CDH12: variants seen among roughly 807,000 people sequenced by gnomAD.
The protein encoded by CDH12 is cadherin-12.
In CDH12, 41 loss-of-function variants were observed where a neutral mutation model predicts 74.1. The observed-to-expected ratio is 0.55, with a 90% confidence interval of 0.43 to 0.72. The LOEUF (loss-of-function observed/expected upper bound fraction) is 0.72, where lower values mean the gene tolerates loss of function less well. CDH12 is among the 30% of genes least tolerant of loss of function. CDH12 has a pLI of 0.00. For missense variants in CDH12, 945 were observed against 977.2 expected (o/e 0.97, Z 0.44); for synonymous variants, 399 against 355.0 (o/e 1.12, Z -1.39).
intron 6 of CDH12, among the ~76,000 whole-genome samples, chr5:21,864,129 ATGTG>A (rs56781565): frequency 3.3e-5 from 5 of 149,792 alleles, no homozygotes; most frequent in East Asian, 2.0e-4. Flanking sequence ...CAGAAAGAAT[ATGTG>A]TGTGTGTGTG....
chr5:21,959,911 T>G (rs1580021044), intron 6 of CDH12, among the ~76,000 whole-genome samples: 2 of 124,348 alleles, frequency 1.6e-5, no homozygotes, highest in Admixed American at 9.6e-5. Flanking sequence ...GGCGACAGAG[T>G]GAGGCTCCAT....
At chr5:21,912,789 T>C (rs149021616) in intron 6 of CDH12, among the ~76,000 whole-genome samples, 91 of 152,178 alleles carry the variant, frequency 6.0e-4, no homozygotes, top group Admixed American at 1.6e-3. Context: ...GAGGTAAATT[T>C]TGAATAATAG....
At chr5:21,984,610 C>A (rs1462648936) in intron 5 of CDH12, among the ~76,000 whole-genome samples, 1 of 152,126 alleles carries the variant, frequency 6.6e-6, no homozygotes, top group Admixed American at 6.6e-5. Flanking sequence ...GACCTCTATG[C>A]CACTCCCTCC....
intron 1 of CDH12, among the ~76,000 whole-genome samples, chr5:22,714,028 A>C (rs1433074638): frequency 6.6e-6 from 1 of 152,144 alleles, no homozygotes; most frequent in Non-Finnish European, 1.5e-5. Flanking sequence ...TCAGACATAA[A>C]ATTCTCTCTC....
At chr5:22,623,519 AACAG>A (rs770718825) in intron 1 of CDH12, among the ~76,000 whole-genome samples, 6 of 152,176 alleles carry the variant, frequency 3.9e-5, no homozygotes, top group Non-Finnish European at 8.8e-5. Flanking sequence ...ATACACCAAT[AACAG>A]ACAAACAGAG....
At chr5:21,993,726 T>G (rs1295481756) in intron 5 of CDH12, among the ~76,000 whole-genome samples, 2 of 152,002 alleles carry the variant, frequency 1.3e-5, no homozygotes, top group African/African-American at 2.4e-5. Flanking sequence ...GTTTCAATCT[T>G]GTGAGACCCT....
At chr5:22,832,351 G>A (rs1299988208) in intron 1 of CDH12, among the ~76,000 whole-genome samples, 1 of 152,152 alleles carries the variant, frequency 6.6e-6, no homozygotes, top group East Asian at 1.9e-4. Context: ...TAAATATTGG[G>A]AGGATGGGAG....
chr5:22,472,623 T>G (rs1346967373), intron 2 of CDH12, among the ~76,000 whole-genome samples: 1 of 152,026 alleles, frequency 6.6e-6, no homozygotes. Flanking sequence ...ATGTTTTTTC[T>G]CTCAAAAAAA....
At chr5:21,977,617 C>T (rs1757125762) in intron 5 of CDH12, among the ~76,000 whole-genome samples, 1 of 152,014 alleles carries the variant, frequency 6.6e-6, no homozygotes, top group African/African-American at 2.4e-5. Flanking sequence ...CTGTATTTAG[C>T]TAAAATCATA....
chr5:22,247,446 G>A (rs1396036263), intron 3 of CDH12, among the ~76,000 whole-genome samples: 3 of 152,166 alleles, frequency 2.0e-5, no homozygotes, highest in African/African-American at 4.8e-5. Context: ...GGAAACTGAG[G>A]TGGGTGGATC....
intron 1 of CDH12, among the ~76,000 whole-genome samples, chr5:22,674,976 C>A (rs1561569037): frequency 1.3e-5 from 2 of 152,156 alleles, no homozygotes; most frequent in East Asian, 3.9e-4. Context: ...AAATTTGCAG[C>A]CTGACAATGC....
At chr5:22,546,375 T>G (rs540589788) in intron 1 of CDH12, among the ~76,000 whole-genome samples, 1 of 152,116 alleles carries the variant, frequency 6.6e-6, no homozygotes, top group Admixed American at 6.5e-5. Context: ...CAGCACTGAG[T>G]CTAGCGAAAA....
intron 3 of CDH12, among the ~76,000 whole-genome samples, chr5:22,352,851 A>G (rs1740412405): frequency 6.6e-6 from 1 of 152,152 alleles, no homozygotes; most frequent in South Asian, 2.1e-4. Flanking sequence ...AAGAACTAGT[A>G]ACACAATCTA....
chr5:22,485,639 T>A (rs933879013), intron 2 of CDH12, among the ~76,000 whole-genome samples: 2 of 152,228 alleles, frequency 1.3e-5, no homozygotes, highest in African/African-American at 4.8e-5. Context: ...TTCTTTTCTG[T>A]TCTCTTTAGC....
At chr5:22,387,284 A>T (rs1052313286) in intron 3 of CDH12, among the ~76,000 whole-genome samples, 44 of 152,156 alleles carry the variant, frequency 2.9e-4, no homozygotes, top group African/African-American at 1.0e-3. Flanking sequence ...AAAAATTTTT[A>T]AATTTAAAAA....
chr5:21,900,669 G>T (rs951568976), intron 6 of CDH12, among the ~76,000 whole-genome samples: 3 of 152,086 alleles, frequency 2.0e-5, no homozygotes, highest in African/African-American at 7.2e-5. Flanking sequence ...ACTTTGAACA[G>T]AAAACACATA....
chr5:22,728,093 C>A (rs1458529931), intron 1 of CDH12, among the ~76,000 whole-genome samples: 1 of 151,730 alleles, frequency 6.6e-6, no homozygotes, highest in African/African-American at 2.4e-5. Context: ...ATATTACTGT[C>A]AATATATATT....
intron 8 of CDH12, among the ~76,000 whole-genome samples, chr5:21,826,965 G>A (rs756467769): frequency 1.5e-4 from 23 of 151,980 alleles, no homozygotes; most frequent in Non-Finnish European, 2.5e-4. Context: ...TCATTGCTGT[G>A]GTGTAAGAGC....
chr5:22,634,559 T>C (rs1738738035), intron 1 of CDH12, among the ~76,000 whole-genome samples: 1 of 152,134 alleles, frequency 6.6e-6, no homozygotes, highest in African/African-American at 2.4e-5. Flanking sequence ...ATGAATGTAT[T>C]TGGTGTTACA....
Sources: allele counts gnomAD v4.1 joint callset (sites outside exome capture counted in the v4.1 genomes callset), GRCh38; gene constraint gnomAD v4.1.1; transcripts MANE v1.5; gene names NCBI Gene and HGNC (gene_info 2026-07-23, HGNC 2026-07-21).